The following ABR variants were observed in gnomAD, a reference collection of about 807,000 sequenced individuals.
The protein encoded by ABR is active breakpoint cluster region-related protein.
Under a neutral mutation model 107.2 loss-of-function variants are expected in ABR, and 35 were observed. That is an observed-to-expected ratio of 0.33 (90% CI 0.25 to 0.43). The LOEUF (loss-of-function observed/expected upper bound fraction) is 0.43, where lower values mean the gene tolerates loss of function less well. ABR is among the 20% of genes least tolerant of loss of function. The pLI, the probability that ABR is intolerant of heterozygous loss-of-function variation, is 1.00. For synonymous variants in ABR, 498 were observed against 462.0 expected, an observed-to-expected ratio of 1.08 and a Z score of -1.00; for missense variants, 815 against 1,115.2, an observed-to-expected ratio of 0.73 and a Z score of 3.83.
chr17:1,142,807 C>T (rs1357143195), intron 1 of ABR, among the ~76,000 whole-genome samples: 1 of 152,170 alleles, frequency 6.6e-6, no homozygotes, highest in Admixed American at 6.5e-5. Context: ...CGGCCCCTGT[C>T]TCATTCACTC....
intron 1 of ABR, among the ~76,000 whole-genome samples, chr17:1,170,026 T>C (rs1198023714): frequency 1.3e-5 from 2 of 150,748 alleles, no homozygotes; most frequent in South Asian, 2.1e-4. Flanking sequence ...GGTGTGTTTG[T>C]GTATGTTAAC....
At chr17:1,020,699 G>A (rs999836044) in intron 16 of ABR, among the ~76,000 whole-genome samples, 11 of 152,164 alleles carry the variant, frequency 7.2e-5, no homozygotes, top group South Asian at 2.1e-4. Flanking sequence ...GCCCCGCAGC[G>A]GGGAGAGGAT....
At chr17:1,045,283 A>T (rs1249961809) in intron 16 of ABR, among the ~76,000 whole-genome samples, 2 of 152,228 alleles carry the variant, frequency 1.3e-5, no homozygotes, top group African/African-American at 4.8e-5. Flanking sequence ...ATTCCAGCCC[A>T]TGGTGACCTT....
rs1398947651 is a variant in ABR, at chr17:1,050,291, G to A, written c.1660-110C>T. 16 of 1,382,454 alleles carry A rather than the reference G, an allele frequency of 1.2e-5. No individual in the cohort carries two copies. The highest frequency in any genetic ancestry group is 7.0e-5 in the East Asian group (3 of 42,744). 85.6% of individuals were successfully genotyped at this position (1,382,454 alleles called of 1,614,324 possible). On this transcript the variant is annotated intron_variant, in intron 15 of 22. Transcript: ENST00000302538. This position sits in a 1 kb window ranked among gnomAD's most constrained non-coding sequence, Gnocchi z 4.6. ...GGAGGAGGGAGTAAGCACGGCCCAC[G>A]AAGGACACGTCAGATTTTCTGGAGC...
intron 2 of ABR, among the ~76,000 whole-genome samples, chr17:1,118,721 G>A (rs71206097): frequency 0.014 from 7 of 494 alleles, no homozygotes; most frequent in Admixed American, 0.021. Context: ...TCCTCCCAGC[G>A]TTATCCCTGA....
chr17:1,044,693 C>T (rs1460264978), intron 16 of ABR, among the ~76,000 whole-genome samples: 1 of 152,062 alleles, frequency 6.6e-6, no homozygotes, highest in Admixed American at 6.6e-5. Context: ...CCCCAGGAAT[C>T]CCCTCCTTTT....
intron 1 of ABR, among the ~76,000 whole-genome samples, chr17:1,151,120 T>C (rs1330421259): frequency 1.3e-5 from 2 of 152,120 alleles, no homozygotes; most frequent in African/African-American, 4.8e-5. Flanking sequence ...TGTTTTACCT[T>C]CAACATGGAG....
intron 2 of ABR, among the ~76,000 whole-genome samples, chr17:1,102,712 T>A (rs2151354410): frequency 6.6e-6 from 1 of 152,308 alleles, no homozygotes; most frequent in Non-Finnish European, 1.5e-5. Flanking sequence ...TCTATTTATT[T>A]ATGTATTTAC....
At chr17:1,216,540 C>G (rs1261344022) in intron 1 of ABR, among the ~76,000 whole-genome samples, 2 of 152,218 alleles carry the variant, frequency 1.3e-5, no homozygotes, top group Non-Finnish European at 2.9e-5. Flanking sequence ...ATTCACATTG[C>G]CCATCTTCCC....
chr17:1,179,194 T>TG lies in ABR; in HGVS notation c.61+472dup, dbSNP rs138157285. On this transcript the variant is annotated intron_variant, in intron 1 of 22. Coordinates refer to ENST00000302538, the MANE Select transcript of ABR (RefSeq NM_021962.5). This position sits in a 1 kb window ranked among gnomAD's most constrained non-coding sequence, Gnocchi z 4.9. Reference sequence around the variant, plus strand: ...GAACCCCTGGGCCCTGAACCACACATGACCCGGTGCCCCTGGGGTGGCAAA... The same window carrying TG: ...GAACCCCTGGGCCCTGAACCACACATGGACCCGGTGCCCCTGGGGTGGCAAA... Among the ~76,000 whole-genome samples the TG allele has an allele frequency of 0.35, 51,345 of 148,806 alleles. 9,009 individuals carry two copies. The highest frequency in any genetic ancestry group is 0.45 in the Middle Eastern group (131 of 292).
In ABR at chr17:1,172,412, G is replaced by A. The variant is rs115683122; in HGVS notation, c.61+7255C>T. On this transcript the variant is annotated intron_variant, in intron 1 of 22. Transcript: ENST00000302538. ...CAGTGGAACATTCCCGCTGCTCCCA[G>A]CAGCGTCATGTCCCCAACTGACCAT... Among the ~76,000 whole-genome samples the A allele has an allele frequency of 3.7e-3, 564 of 152,320 alleles. 3 individuals are homozygous for A. Among genetic ancestry groups the A allele is most frequent in the African/African-American group, 0.013 (534 of 41,558 alleles).
intron 3 of ABR, among the ~76,000 whole-genome samples, chr17:1,099,352 G>A (rs1449970591): frequency 6.6e-6 from 1 of 152,190 alleles, no homozygotes; most frequent in Non-Finnish European, 1.5e-5. Flanking sequence ...TGGGATTACA[G>A]GCACTGAGCC....
intron 6 of ABR, among the ~76,000 whole-genome samples, chr17:1,075,514 G>A (rs1275652474): frequency 1.3e-5 from 2 of 152,190 alleles, no homozygotes; most frequent in African/African-American, 4.8e-5. Flanking sequence ...GCCTCAGCAG[G>A]GCCACCAGCC....
At position 1,069,564 on chromosome 17, in the gene ABR, C is replaced by T. The variant is rs531713188; in HGVS notation, c.1016+405G>A. Among the ~76,000 whole-genome samples, 3 of 152,216 alleles carry T rather than the reference C, an allele frequency of 2.0e-5. No individual in the cohort carries two copies. In the East Asian group the frequency reaches 5.8e-4, roughly 29 times the overall value. ...GCGTGCACCTGTAATCCCAGCTACT[C>T]AGGAGGCTGAGGCAGGAAAATCGCT... On this transcript the variant is annotated intron_variant, in intron 9 of 22. Transcript: ENST00000302538.
rs562517488 is a variant in ABR, at chr17:1,146,051, G to A, written c.62-20684C>T. On this transcript the variant is annotated intron_variant, in intron 1 of 22. Transcript: ENST00000302538. ...CTCCTTCTCCCCACTCCCAGCTCCAGAGCACCGGTGACTGTGACTTCCACT... is the reference window on the plus strand; with the variant it reads ...CTCCTTCTCCCCACTCCCAGCTCCAAAGCACCGGTGACTGTGACTTCCACT... Among the ~76,000 whole-genome samples, 154 of 152,282 alleles carry A rather than the reference G, an allele frequency of 1.0e-3. 2 individuals carry two copies. Among genetic ancestry groups the A allele is most frequent in the African/African-American group, 3.6e-3 (149 of 41,550 alleles).
chr17:1,184,177 C>T (rs531308329), upstream of ABR, among the ~76,000 whole-genome samples: 20 of 151,188 alleles, frequency 1.3e-4, no homozygotes, highest in Non-Finnish European at 2.8e-4. Context: ...AAGCCAGAGC[C>T]GGGCACAGTT....
Position 1,198,802 on chromosome 17 carries a change from A to T in ABR, c.838+29991T>A, listed in dbSNP as rs200253968. On this transcript the variant is annotated intron_variant, in intron 1 of 22. Coordinates refer to the ABR transcript ENST00000574139. ...AGTTGCCCACCACCACACCTGGCAA[A>T]TTTTTTTTTTTTTAATAGAGGTGGG... Among the ~76,000 whole-genome samples, 683 of 116,254 alleles carry T rather than the reference A, an allele frequency of 5.9e-3. 11 individuals are homozygous for T. The highest frequency in any genetic ancestry group is 0.049 in the East Asian group (144 of 2,936). 76.3% of individuals were successfully genotyped at this position (116,254 alleles called of 152,430 possible). A position where few individuals can be genotyped will look rare whatever the true frequency, so the allele number is the denominator to read the frequency against.
At chr17:1,170,929 A>C (rs1255640621) in intron 1 of ABR, among the ~76,000 whole-genome samples, 3 of 152,112 alleles carry the variant, frequency 2.0e-5, no homozygotes, top group African/African-American at 7.2e-5. Context: ...GAACAACTGC[A>C]GGGGGCACTC....
chr17:1,224,822 A>G (rs1427966824), intron 1 of ABR, among the ~76,000 whole-genome samples: 1 of 152,098 alleles, frequency 6.6e-6, no homozygotes, highest in Non-Finnish European at 1.5e-5. Flanking sequence ...CTATAGGTTC[A>G]CACCACCACA....
Sources: gnomAD v4.1 joint callset for allele counts (sites outside exome capture counted in the v4.1 genomes callset) on GRCh38, gnomAD v4.1.1 for gene constraint, Gnocchi (gnomAD v3.1) non-coding constraint, MANE v1.5 for transcripts, NCBI Gene and HGNC (gene_info 2026-07-23, HGNC 2026-07-21) for gene names.